USH1C: variants seen among roughly 807,000 people sequenced by gnomAD.
USH1C encodes the protein harmonin.
Under a neutral mutation model 119.3 loss-of-function variants are expected in USH1C, and 90 were observed. That is an observed-to-expected ratio of 0.75 (90% CI 0.64 to 0.90). The LOEUF (loss-of-function observed/expected upper bound fraction) is 0.90. Among genes scored for constraint, USH1C ranks in the 40% least tolerant of loss-of-function variants. USH1C has a pLI of 0.00. For synonymous variants in USH1C, 465 were observed against 443.3 expected, an observed-to-expected ratio of 1.05 and a Z score of -0.62; for missense variants, 1,165 against 1,167.7, an observed-to-expected ratio of 1.00 and a Z score of 0.03.
intron 26 of USH1C, chr11:17,494,660 A>G (rs1849182907): frequency 7.9e-6 from 4 of 508,270 alleles, no homozygotes; most frequent in Non-Finnish European, 1.4e-5. Flanking sequence ...GTAACAGAAA[A>G]CATAGGGCCA....
chr11:17,519,054 C>A (rs1396457572), intron 14 of USH1C, among the ~76,000 whole-genome samples: 1 of 151,502 alleles, frequency 6.6e-6, no homozygotes, highest in Admixed American at 6.6e-5. Flanking sequence ...CCACCCCTTG[C>A]AGGCATAGAA....
intron 1 of USH1C, among the ~76,000 whole-genome samples, chr11:17,539,164 T>C (rs1851349225): frequency 1.3e-5 from 2 of 152,178 alleles, no homozygotes. Flanking sequence ...TGGCCAAGTC[T>C]TTCCTTAGGC....
chr11:17,523,500 A>G (rs1446146905), intron 9 of USH1C, 22 bp from the exon 10 acceptor site: 18 of 1,613,570 alleles, frequency 1.1e-5, no homozygotes, highest in Non-Finnish European at 1.4e-5. Flanking sequence ...ATGGAGAAAG[A>G]TTAGTGTGTT....
At chr11:17,536,757 C>CTGGAA (rs1428439339) in intron 1 of USH1C, among the ~76,000 whole-genome samples, 1 of 152,266 alleles carries the variant, frequency 6.6e-6, no homozygotes, top group Non-Finnish European at 1.5e-5. Flanking sequence ...CCCTGACACA[C>CTGGAA]TGGAATCTCC....
intron 7 of USH1C, 38 bp from the exon 8 acceptor site, chr11:17,526,479 C>T (rs1850680961): frequency 1.3e-6 from 2 of 1,580,728 alleles, no homozygotes; most frequent in Non-Finnish European, 1.7e-6. Flanking sequence ...GGAGTGTCCA[C>T]ATGCGTGCAA....
At position 17,501,462 on chromosome 11, in the gene USH1C, G is replaced by GC. The variant is rs569102513; in HGVS notation, c.2280+19dup. 1.3e-4 allele frequency: 210 copies of GC among 1,611,184 alleles called. No individual in the cohort carries two copies. The African/African-American group carries it at 2.7e-3, about 20-fold the overall frequency. On this transcript the variant is annotated intron_variant, in intron 22 of 26. Coordinates refer to ENST00000005226, the MANE Select transcript of USH1C (RefSeq NM_153676.4). ...CACAGAGAGGGATGGCGGCCCACCG[G>GC]CCTCCACATGCCCAGGTACCTTCTT...
At chr11:17,508,997 G>C (rs1849753771) in intron 18 of USH1C, among the ~76,000 whole-genome samples, 1 of 152,170 alleles carries the variant, frequency 6.6e-6, no homozygotes, top group Non-Finnish European at 1.5e-5. Flanking sequence ...GGAAGTGACT[G>C]GATGTGACAG....
At chr11:17,495,939 G>C (rs1401041975) in intron 25 of USH1C, among the ~76,000 whole-genome samples, 1 of 152,144 alleles carries the variant, frequency 6.6e-6, no homozygotes, top group African/African-American at 2.4e-5. Context: ...GTGGGTGAGG[G>C]CTGGGGAGGT....
At chr11:17,511,155 G>T (rs1196470321) in intron 16 of USH1C, among the ~76,000 whole-genome samples, 1 of 152,200 alleles carries the variant, frequency 6.6e-6, no homozygotes, top group African/African-American at 2.4e-5. Flanking sequence ...CTTTGGACAT[G>T]TCTTCATGGG....
At chr11:17,517,893 T>C (rs1850227221) in intron 14 of USH1C, among the ~76,000 whole-genome samples, 1 of 152,212 alleles carries the variant, frequency 6.6e-6, no homozygotes, top group Non-Finnish European at 1.5e-5. Context: ...CTTGGAGCTC[T>C]GGGACCCTAG....
In USH1C at chr11:17,501,148, C is replaced by T. The variant is rs2133784400; in HGVS notation, c.2283G>A (p.Glu761=). ...KDVRLLRIKK[E]GSLDLALEGG... is the part of the protein sequence containing the mutation. ...CTTCCAGGGCCAGGTCTAAGGATCC[C>T]TCCTGGTTAGAGGAAAACAGGCCTT... The change falls in exon 23 of 27, where the codon GAG becomes GAA. Residue 761 remains glutamate, a splice_region_variant and synonymous_variant. Coordinates refer to ENST00000005226, the MANE Select transcript of USH1C (RefSeq NM_153676.4). The T allele has an allele frequency of 1.9e-6, 3 of 1,613,170 alleles. No individual in the cohort carries two copies. The highest frequency in any genetic ancestry group is 2.5e-6 in the Non-Finnish European group (3 of 1,179,574).
At chr11:17,521,916 C>G (rs1228292463) in intron 12 of USH1C, among the ~76,000 whole-genome samples, 1 of 152,210 alleles carries the variant, frequency 6.6e-6, no homozygotes, top group Non-Finnish European at 1.5e-5. Flanking sequence ...GCAACCTCTG[C>G]CTCCCAGGTT....
In USH1C at chr11:17,495,600, CTG is replaced by C; in HGVS notation, c.2622_2623del (p.His874GlnfsTer115). ...CTCCAGCTGCAGGAGGAACCCGTGT[CTG>C]TGCACGGCAGCACGGTCTTCAAGGA... is the stretch of plus-strand genomic sequence containing the variant. On this transcript the variant is annotated frameshift_variant, in exon 26 of 27. Coordinates refer to ENST00000005226, the MANE Select transcript of USH1C (RefSeq NM_153676.4). LOFTEE classifies it high-confidence loss of function. 1 of 1,614,228 alleles carries C rather than the reference CTG, an allele frequency of 6.2e-7. No individual in the cohort carries two copies. Among genetic ancestry groups the C allele is most frequent in the Non-Finnish European group, 8.5e-7 (1 of 1,180,046 alleles).
chr11:17,501,007 C>T, intron 23 of USH1C, 44 bp downstream of exon 23: 1 of 1,561,226 alleles, frequency 6.4e-7, no homozygotes, highest in Non-Finnish European at 8.8e-7. Flanking sequence ...CCCGTCTAAC[C>T]ACTGTATCAT....
At chr11:17,523,054 G>T in intron 11 of USH1C, 128 bp from the exon 12 acceptor site, 1 of 1,579,722 alleles carries the variant, frequency 6.3e-7, no homozygotes, top group Non-Finnish European at 8.7e-7. Context: ...CGCAATCCCT[G>T]ACCCAAACTT....
rs369021714 is a variant in USH1C at position 17,505,839 on chromosome 11, A to G, written c.2124T>C (p.Ser708=). The G allele has an allele frequency of 1.8e-4, 283 of 1,613,970 alleles. 2 individuals carry two copies. The highest frequency in any genetic ancestry group is 9.8e-4 in the South Asian group (89 of 91,068). Residue 708 remains serine (S), a synonymous_variant, in exon 19 of 27, where the codon TCT becomes TCC. Coordinates refer to ENST00000005226, the MANE Select transcript of USH1C (RefSeq NM_153676.4). ...GACCCAAGGGGCTTACCAGAACTTC[A>G]GATTTCACAGCTGGCCTGTAGATGA... ...PNFIYRPAVK[S]EVLPQEMLKR...
intron 22 of USH1C, 23 bp downstream of exon 22, chr11:17,501,459 C>A (rs370092421): frequency 6.2e-6 from 10 of 1,609,982 alleles, no homozygotes; most frequent in Non-Finnish European, 5.1e-6. Flanking sequence ...TGGCGGCCCA[C>A]CGGCCTCCAC....
chr11:17,524,554 G>A lies in USH1C; in HGVS notation c.675-19C>T, dbSNP rs1386198795. On this transcript the variant is annotated intron_variant, in intron 8 of 26. Coordinates refer to ENST00000005226, the MANE Select transcript of USH1C (RefSeq NM_153676.4). ...GGAAATGCTGCGGGAGGTGGGAAAT[G>A]TGTGCTCGGGATTCAGGTAACCCAT... 24 of 1,553,162 alleles carry A rather than the reference G, an allele frequency of 1.5e-5. No individual in the cohort carries two copies. Among genetic ancestry groups the A allele is most frequent in the Non-Finnish European group, 2.1e-5 (24 of 1,147,684 alleles).
At chr11:17,544,183 G>T (rs1177399525) in intron 1 of USH1C, 89 bp downstream of exon 1, 1 of 1,564,368 alleles carries the variant, frequency 6.4e-7, no homozygotes, top group Non-Finnish European at 8.8e-7. Flanking sequence ...GGCCGGAAAA[G>T]GGAGGGGCAG....
Sources: gnomAD v4.1 joint callset for allele counts (sites outside exome capture counted in the v4.1 genomes callset) on GRCh38, gnomAD v4.1.1 for gene constraint, MANE v1.5 for transcripts, NCBI Gene and HGNC (gene_info 2026-07-23, HGNC 2026-07-21) for gene names.